ZNG1A: variants seen among roughly 807,000 people sequenced by gnomAD.
The protein encoded by ZNG1A is Zn regulated GTPase metalloprotein activator 1A.
the ZNG1A span, among the ~76,000 whole-genome samples, chr9:155,980 A>G: frequency 1.3e-5 from 2 of 150,800 alleles, no homozygotes; most frequent in Non-Finnish European, 3.0e-5. Flanking sequence ...AATAAAAAAA[A>G]AATGCAAAAA....
the ZNG1A span, among the ~76,000 whole-genome samples, chr9:140,424 G>A: frequency 6.6e-6 from 1 of 151,116 alleles, no homozygotes; most frequent in African/African-American, 2.5e-5. Context: ...ACACGGCCGG[G>A]TACTCCAACA....
chr9:149,065 C>G, the ZNG1A span: 1 of 149,482 alleles, frequency 6.7e-6, no homozygotes, highest in African/African-American at 2.5e-5. Flanking sequence ...AAAGCCTTCC[C>G]CAGTGGCACT....
At chr9:142,221 C>A in the ZNG1A span, among the ~76,000 whole-genome samples, 1 of 144,104 alleles carries the variant, frequency 6.9e-6, no homozygotes, top group African/African-American at 2.7e-5. Flanking sequence ...CTCTCCACCC[C>A]AAATCAACAG....
chr9:176,173 G>A, the ZNG1A span, among the ~76,000 whole-genome samples: 1 of 137,220 alleles, frequency 7.3e-6, no homozygotes, highest in African/African-American at 2.9e-5. Flanking sequence ...TATGAAATGG[G>A]GAATAGAGCC....
chr9:163,443 GT>G, the ZNG1A span, among the ~76,000 whole-genome samples: 2 of 152,032 alleles, frequency 1.3e-5, no homozygotes, highest in Non-Finnish European at 2.9e-5. Flanking sequence ...GAAAACCTTA[GT>G]GGAAGCACTA....
the ZNG1A span, among the ~76,000 whole-genome samples, chr9:129,161 G>A: frequency 6.6e-6 from 1 of 152,118 alleles, no homozygotes; most frequent in Non-Finnish European, 1.5e-5. Context: ...TTGGCCTGCT[G>A]CAGGGAGGTG....
chr9:171,348 T>C, the ZNG1A span, among the ~76,000 whole-genome samples: 2 of 151,074 alleles, frequency 1.3e-5, no homozygotes, highest in African/African-American at 4.9e-5. Context: ...AAAAAAAAAA[T>C]AATGGTATGG....
At chr9:155,390 C>T in the ZNG1A span, among the ~76,000 whole-genome samples, 1 of 151,372 alleles carries the variant, frequency 6.6e-6, no homozygotes, top group Non-Finnish European at 1.5e-5. Context: ...AGTTCAAGTC[C>T]AACCTGGGCA....
the ZNG1A span, among the ~76,000 whole-genome samples, chr9:158,231 T>G: frequency 0.039 from 5,867 of 151,086 alleles, 154 homozygotes; most frequent in Non-Finnish European, 0.058. Context: ...ATTTGTTGAA[T>G]GAATTGTAAT....
At chr9:138,181 A>C in the ZNG1A span, among the ~76,000 whole-genome samples, 1 of 152,078 alleles carries the variant, frequency 6.6e-6, no homozygotes, top group East Asian at 1.9e-4. Context: ...TTTTAACCGT[A>C]ATTTGTTTAG....
the ZNG1A span, chr9:166,145 A>G: frequency 9.5e-6 from 1 of 105,196 alleles, no homozygotes; most frequent in African/African-American, 4.7e-5. Flanking sequence ...GAGAAATGAG[A>G]GCTCTGAGGT....
the ZNG1A span, among the ~76,000 whole-genome samples, chr9:142,774 C>G: frequency 0.021 from 2,975 of 143,444 alleles, 61 homozygotes; most frequent in Middle Eastern, 0.045. Context: ...TTGAAAGGAT[C>G]AACAAAATTG....
the ZNG1A span, among the ~76,000 whole-genome samples, chr9:174,771 A>T: frequency 6.6e-6 from 1 of 151,394 alleles, no homozygotes; most frequent in Non-Finnish European, 1.5e-5. Flanking sequence ...TTTGGCTAGA[A>T]GTAAGCTTTG....
chr9:151,962 G>C, the ZNG1A span: 2 of 436,594 alleles, frequency 4.6e-6, no homozygotes, highest in Non-Finnish European at 8.2e-6. Context: ...AAGCATATTT[G>C]TCAATTATTT....
chr9:128,527 G>A, the ZNG1A span, among the ~76,000 whole-genome samples: 1 of 146,544 alleles, frequency 6.8e-6, no homozygotes, highest in Non-Finnish European at 1.5e-5. Context: ...ATTTCCTAAA[G>A]TTTTGATTGT....
chr9:150,383 C>A, the ZNG1A span: 1 of 967,902 alleles, frequency 1.0e-6, no homozygotes, highest in East Asian at 1.1e-4. Context: ...ACCTTGGCCT[C>A]CCAAAGTGCT....
the ZNG1A span, chr9:163,851 A>G: frequency 1.4e-5 from 16 of 1,107,190 alleles, no homozygotes; most frequent in Non-Finnish European, 2.6e-6. Context: ...CAGGAGGTAA[A>G]GGTTGCAGTG....
chr9:126,573 T>G, the ZNG1A span, among the ~76,000 whole-genome samples: 49 of 152,298 alleles, frequency 3.2e-4, 1 homozygote, highest in African/African-American at 1.1e-3. Flanking sequence ...CATTTCTTAT[T>G]GAGCTTATTT....
the ZNG1A span, among the ~76,000 whole-genome samples, chr9:165,514 A>G: frequency 7.4e-6 from 1 of 135,962 alleles, no homozygotes; most frequent in Non-Finnish European, 1.5e-5. Context: ...AGATGAATGA[A>G]CAAAATTGAT....
Sources: gnomAD v4.1 joint callset for allele counts (sites outside exome capture counted in the v4.1 genomes callset) on GRCh38, gnomAD v4.1.1 for gene constraint, MANE v1.5 for transcripts, NCBI Gene and HGNC (gene_info 2026-07-23, HGNC 2026-07-21) for gene names.